Variants in EDIL3 observed in about 807,000 individuals in gnomAD.
The protein encoded by EDIL3 is EGF like and discoidin domains 3, also known as EGF-like repeat and discoidin I-like domain-containing protein 3.
A neutral mutation model predicts 67.4 loss-of-function variants in EDIL3; 37 were observed. The observed-to-expected ratio is 0.55, with a 90% CI of 0.42 to 0.72. The LOEUF (loss-of-function observed/expected upper bound fraction) is 0.72, where lower values mean the gene tolerates loss of function less well. Ranked by LOEUF, EDIL3 falls within the 30% of genes least tolerant of loss-of-function variation. The probability of loss-of-function intolerance (pLI) is 0.00; values close to 1 mark genes in which losing one functional copy is unlikely to be tolerated. For missense variants in EDIL3, 527 were observed against 586.3 expected, an observed-to-expected ratio of 0.90 and a Z score of 1.04; for synonymous variants, 195 against 196.3, an observed-to-expected ratio of 0.99 and a Z score of 0.05.
At chr5:84,060,139 T>C (rs1746514916) in intron 9 of EDIL3, among the ~76,000 whole-genome samples, 161 bp downstream of exon 9, 2 of 152,140 alleles carry the variant, frequency 1.3e-5, no homozygotes, top group African/African-American at 4.8e-5. Flanking sequence ...CCCACAGACA[T>C]GGTTTCATAA....
At chr5:84,239,128 C>T (rs868142886) in intron 2 of EDIL3, among the ~76,000 whole-genome samples, 1 of 152,174 alleles carries the variant, frequency 6.6e-6, no homozygotes, top group East Asian at 1.9e-4. Flanking sequence ...CATTCTTTGA[C>T]AGGCCAGTCA....
chr5:84,242,408 T>C (rs1480056529), intron 2 of EDIL3, among the ~76,000 whole-genome samples: 1 of 152,146 alleles, frequency 6.6e-6, no homozygotes, highest in African/African-American at 2.4e-5. Flanking sequence ...CACACCCCCA[T>C]GATGCTGTCC....
At chr5:84,037,805 T>A (rs987998824) in intron 9 of EDIL3, among the ~76,000 whole-genome samples, 1 of 152,068 alleles carries the variant, frequency 6.6e-6, no homozygotes, top group Non-Finnish European at 1.5e-5. Context: ...AATCACCAAA[T>A]AGTGGATAGA....
Position 84,242,189 on chromosome 5 carries a change from G to A in EDIL3, c.196+11895C>T, listed in dbSNP as rs535032584. Among the ~76,000 whole-genome samples the A allele has an allele frequency of 2.5e-3, 375 of 151,304 alleles. 2 individuals carry two copies. Among genetic ancestry groups the A allele is most frequent in the Non-Finnish European group, 3.2e-3 (216 of 67,874 alleles). On this transcript the variant is annotated intron_variant, in intron 2 of 10. Coordinates refer to ENST00000296591, the MANE Select transcript of EDIL3 (RefSeq NM_005711.5). ...GGAGCTTGCAGTGAGCCGAGATCAC[G>A]CCACTGCACTCCAGCCTGCGCGGCA...
chr5:84,279,157 A>T (rs1745648471), intron 1 of EDIL3, among the ~76,000 whole-genome samples: 1 of 152,292 alleles, frequency 6.6e-6, no homozygotes, highest in East Asian at 1.9e-4. Context: ...TTTTCATGAA[A>T]GAAAATTTAT....
At chr5:84,176,216 T>TA (rs1446526225) in intron 4 of EDIL3, among the ~76,000 whole-genome samples, 2 of 111,720 alleles carry the variant, frequency 1.8e-5, no homozygotes, top group Non-Finnish European at 3.8e-5. Context: ...TATATATATA[T>TA]ATATATATAT....
At chr5:84,333,744 AG>A (rs1357991139) in intron 1 of EDIL3, among the ~76,000 whole-genome samples, 7 of 152,210 alleles carry the variant, frequency 4.6e-5, no homozygotes, top group African/African-American at 1.7e-4. Context: ...CATACTTAAT[AG>A]GTGAAATAAT....
intron 1 of EDIL3, among the ~76,000 whole-genome samples, chr5:84,308,149 G>A (rs1222127909): frequency 6.6e-6 from 1 of 152,112 alleles, no homozygotes. Flanking sequence ...AAGAAGAGAA[G>A]AGGAATTTAA....
chr5:84,358,734 C>T lies in EDIL3; in HGVS notation c.67+25574G>A, dbSNP rs185310130. ...ACACCATTCTCCTGCCTCAGCCTCC[C>T]GAGTAGCTGGGACTACAGGCGCCTG... On this transcript the variant is annotated intron_variant, in intron 1 of 10. Coordinates refer to ENST00000296591, the MANE Select transcript of EDIL3 (RefSeq NM_005711.5). Among the ~76,000 whole-genome samples, 1,131 of 151,454 alleles carry T rather than the reference C, an allele frequency of 7.5e-3. 9 individuals carry two copies. Among genetic ancestry groups the T allele is most frequent in the African/African-American group, 0.025 (1,048 of 41,294 alleles).
intron 9 of EDIL3, among the ~76,000 whole-genome samples, chr5:84,006,078 TTAATAA>T (rs142039045): frequency 6.9e-4 from 97 of 139,846 alleles, no homozygotes; most frequent in East Asian, 2.0e-3. Context: ...CACAATAGCA[TTAATAA>T]TAATAATAAT....
chr5:84,160,744 TCTTTC>T (rs58536621), intron 4 of EDIL3, among the ~76,000 whole-genome samples: 3,832 of 99,566 alleles, frequency 0.038, 80 homozygotes, highest in African/African-American at 0.065. Context: ...TCTTTTCTTT[TCTTTC>T]CTTTCCTTTC....
intron 1 of EDIL3, among the ~76,000 whole-genome samples, chr5:84,333,504 A>T (rs1216744584): frequency 1.3e-5 from 2 of 152,166 alleles, no homozygotes; most frequent in Non-Finnish European, 2.9e-5. Flanking sequence ...TGGAAGAGTT[A>T]CTTGGAAGTG....
intron 6 of EDIL3, among the ~76,000 whole-genome samples, chr5:84,066,818 T>C (rs139601272): frequency 9.8e-4 from 149 of 152,284 alleles, no homozygotes; most frequent in Middle Eastern, 3.4e-3. Flanking sequence ...AGTAAACAAA[T>C]ATTTGTGAAC....
chr5:84,206,479 T>C (rs929735120), intron 3 of EDIL3, among the ~76,000 whole-genome samples: 11 of 152,186 alleles, frequency 7.2e-5, no homozygotes, highest in Non-Finnish European at 1.2e-4. Context: ...AAGGAGGAAC[T>C]GGTACCATTC....
chr5:84,100,877 C>T (rs933907776), intron 6 of EDIL3, among the ~76,000 whole-genome samples: 1 of 151,942 alleles, frequency 6.6e-6, no homozygotes, highest in East Asian at 1.9e-4. Flanking sequence ...TATGCTATTC[C>T]ATTTAAATTG....
chr5:84,085,369 G>A (rs187627952), intron 6 of EDIL3, among the ~76,000 whole-genome samples: 22 of 152,200 alleles, frequency 1.4e-4, no homozygotes, highest in African/African-American at 4.1e-4. Flanking sequence ...TTTTGTGTGG[G>A]GGTCTTTTTT....
chr5:84,255,092 G>T (rs1745101933), intron 1 of EDIL3, among the ~76,000 whole-genome samples: 1 of 152,142 alleles, frequency 6.6e-6, no homozygotes, highest in South Asian at 2.1e-4. Flanking sequence ...ATATGATAAG[G>T]TGCTACAATA....
At chr5:83,952,212 C>G (rs1354722613) in intron 10 of EDIL3, among the ~76,000 whole-genome samples, 1 of 151,868 alleles carries the variant, frequency 6.6e-6, no homozygotes, top group East Asian at 2.0e-4. Flanking sequence ...AGAGTCCATC[C>G]TCCTTGACTG....
intron 2 of EDIL3, among the ~76,000 whole-genome samples, chr5:84,236,783 C>T (rs950402077): frequency 6.6e-6 from 1 of 150,834 alleles, no homozygotes; most frequent in African/African-American, 2.4e-5. Flanking sequence ...ACTGTTTTTA[C>T]CCTTTTTTTT....
Sources: allele counts gnomAD v4.1 joint callset (sites outside exome capture counted in the v4.1 genomes callset), GRCh38; gene constraint gnomAD v4.1.1; transcripts MANE v1.5; gene names NCBI Gene and HGNC (gene_info 2026-07-23, HGNC 2026-07-21).